The following CNTNAP2 variants were observed in gnomAD, a reference collection of about 807,000 sequenced individuals.
The protein encoded by CNTNAP2 is contactin-associated protein-like 2.
A neutral mutation model predicts 155.2 loss-of-function variants in CNTNAP2; 98 were observed. The observed-to-expected ratio is 0.63, with a 90% CI of 0.54 to 0.75. The LOEUF (loss-of-function observed/expected upper bound fraction) is 0.75. CNTNAP2 is among the 30% of genes least tolerant of loss of function. The probability of loss-of-function intolerance (pLI) is 0.00; values close to 1 mark genes in which losing one functional copy is unlikely to be tolerated. For missense variants in CNTNAP2, 1,727 were observed against 1,688.1 expected (o/e 1.02, Z -0.40); for synonymous variants, 651 against 631.2 (o/e 1.03, Z -0.47).
At chr7:147,870,807 G>A (rs781222264) in intron 13 of CNTNAP2, among the ~76,000 whole-genome samples, 1 of 152,094 alleles carries the variant, frequency 6.6e-6, no homozygotes, top group Non-Finnish European at 1.5e-5. Flanking sequence ...TCCTCTTGTG[G>A]CATCTGTTGT....
intron 3 of CNTNAP2, among the ~76,000 whole-genome samples, chr7:146,913,195 A>G (rs147151547): frequency 0.012 from 1,884 of 152,244 alleles, 12 homozygotes; most frequent in Non-Finnish European, 0.019. Context: ...CGCATAGGGA[A>G]TATGTAGGAT....
intron 15 of CNTNAP2, among the ~76,000 whole-genome samples, chr7:148,035,697 C>G (rs951397624): frequency 2.6e-5 from 4 of 152,146 alleles, no homozygotes; most frequent in Non-Finnish European, 5.9e-5. Flanking sequence ...TATGGCGATG[C>G]CTGGTGGAGC....
At chr7:146,273,325 G>A (rs1323410859) in intron 1 of CNTNAP2, among the ~76,000 whole-genome samples, 1 of 151,822 alleles carries the variant, frequency 6.6e-6, no homozygotes, top group Non-Finnish European at 1.5e-5. Context: ...ACTATAACTA[G>A]GCCAAGTGTA....
chr7:147,817,253 A>T (rs538433231), intron 13 of CNTNAP2, among the ~76,000 whole-genome samples: 1 of 152,352 alleles, frequency 6.6e-6, no homozygotes, highest in South Asian at 2.1e-4. Context: ...ACAGTATTTG[A>T]ATCTTAATTC....
chr7:146,841,107 C>T (rs1397864753), intron 3 of CNTNAP2, among the ~76,000 whole-genome samples: 1 of 152,178 alleles, frequency 6.6e-6, no homozygotes, highest in East Asian at 1.9e-4. Context: ...AACTTTAAAA[C>T]ATATAGACCC....
chr7:147,765,361 T>C (rs1178820001), intron 13 of CNTNAP2, among the ~76,000 whole-genome samples: 1 of 152,160 alleles, frequency 6.6e-6, no homozygotes, highest in Non-Finnish European at 1.5e-5. Flanking sequence ...AATAAATACA[T>C]GGAAATAAAG....
chr7:148,138,371 T>G (rs148439808), intron 16 of CNTNAP2, among the ~76,000 whole-genome samples: 299 of 152,318 alleles, frequency 2.0e-3, no homozygotes, highest in African/African-American at 6.9e-3. Context: ...TGTTTCAACC[T>G]GCAGTTTTAT....
chr7:148,394,643 C>T (rs1401251988), intron 22 of CNTNAP2, among the ~76,000 whole-genome samples: 1 of 152,196 alleles, frequency 6.6e-6, no homozygotes, highest in African/African-American at 2.4e-5. Flanking sequence ...CTCCAAGTTG[C>T]GAAATGATTC....
intron 1 of CNTNAP2, among the ~76,000 whole-genome samples, chr7:146,368,432 G>T (rs1303404434): frequency 6.6e-6 from 1 of 152,158 alleles, no homozygotes; most frequent in Non-Finnish European, 1.5e-5. Flanking sequence ...ACGGTACGGT[G>T]TGGTATGGTA....
intron 9 of CNTNAP2, among the ~76,000 whole-genome samples, chr7:147,315,100 A>G (rs1795201168): frequency 1.6e-5 from 2 of 123,894 alleles, no homozygotes; most frequent in Admixed American, 1.7e-4. Context: ...AGAACCTTCT[A>G]GGGTACTTTA....
intron 1 of CNTNAP2, among the ~76,000 whole-genome samples, chr7:146,171,247 G>A (rs1033477018): frequency 2.6e-5 from 4 of 151,780 alleles, no homozygotes; most frequent in African/African-American, 9.7e-5. Context: ...GAACTAAGTA[G>A]AAAAAAATAT....
In CNTNAP2 at chr7:146,308,582, C is replaced by T. The variant is rs189701439; in HGVS notation, c.97+191609C>T. Among the ~76,000 whole-genome samples, 555 of 151,376 alleles carry T rather than the reference C, an allele frequency of 3.7e-3. 9 individuals are homozygous for T. The East Asian group carries it at 0.042, about 11-fold the overall frequency. ...AGCAAAGACTTGGAACCAACCCAAA[C>T]GTCCATCAATGATAGACTGGATTAA... On this transcript the variant is annotated intron_variant, in intron 1 of 23. Coordinates refer to ENST00000361727, the MANE Select transcript of CNTNAP2 (RefSeq NM_014141.6).
chr7:146,166,946 G>C (rs553836918), intron 1 of CNTNAP2, among the ~76,000 whole-genome samples: 1 of 152,320 alleles, frequency 6.6e-6, no homozygotes, highest in South Asian at 2.1e-4. Flanking sequence ...AACCACATGT[G>C]AGTAACGTGA....
intron 4 of CNTNAP2, among the ~76,000 whole-genome samples, chr7:147,083,713 T>C (rs186898116): frequency 6.9e-6 from 1 of 144,806 alleles, no homozygotes; most frequent in African/African-American, 2.5e-5. Flanking sequence ...GTATTATATA[T>C]TTATATAGCA....
chr7:147,122,662 A>G (rs1429289487), intron 6 of CNTNAP2: 1 of 152,240 alleles, frequency 6.6e-6, no homozygotes, highest in East Asian at 1.9e-4. Context: ...ACATCATTAA[A>G]AGGAATGACA....
chr7:146,822,860 A>C lies in CNTNAP2; in HGVS notation c.209-16851A>C, dbSNP rs563515775. ...ATATACTCGTTCTTCAGCATATTTA[A>C]ATGTAAATATACTCATTCTTCAGCA... On this transcript the variant is annotated intron_variant, in intron 2 of 23. Transcript: ENST00000361727. 5.8e-3 allele frequency among the ~76,000 whole-genome samples: 859 copies of C among 147,842 alleles called. 11 individuals carry two copies. The highest frequency in any genetic ancestry group is 0.028 in the South Asian group (129 of 4,566).
chr7:148,081,996 A>G (rs1803617283), intron 15 of CNTNAP2, among the ~76,000 whole-genome samples: 1 of 151,948 alleles, frequency 6.6e-6, no homozygotes, highest in Admixed American at 6.6e-5. Flanking sequence ...TGTTTTATAG[A>G]TATGGGAGTC....
At chr7:148,296,414 G>A (rs1233477288) in intron 21 of CNTNAP2, among the ~76,000 whole-genome samples, 1 of 151,744 alleles carries the variant, frequency 6.6e-6, no homozygotes, top group Non-Finnish European at 1.5e-5. Context: ...AGGCATAGTG[G>A]CATACGCCTG....
chr7:147,590,863 T>C (rs1164531052), intron 12 of CNTNAP2, among the ~76,000 whole-genome samples: 2 of 152,166 alleles, frequency 1.3e-5, no homozygotes, highest in Non-Finnish European at 2.9e-5. Flanking sequence ...AAATGAGGGA[T>C]TGGAACATCC....
Sources: gnomAD v4.1 joint callset for allele counts (sites outside exome capture counted in the v4.1 genomes callset) on GRCh38, gnomAD v4.1.1 for gene constraint, MANE v1.5 for transcripts, NCBI Gene and HGNC (gene_info 2026-07-23, HGNC 2026-07-21) for gene names.